Variants in NCAM1 observed in about 807,000 individuals in gnomAD.
NCAM1 encodes neural cell adhesion molecule 1.
In NCAM1, 14 loss-of-function variants were observed where a neutral mutation model predicts 109.8. The ratio of observed to expected loss-of-function variants is 0.13; its 90% CI spans 0.08 to 0.20. The LOEUF (loss-of-function observed/expected upper bound fraction) is 0.20. Ranked by LOEUF, NCAM1 falls within the 10% of genes least tolerant of loss-of-function variation. The pLI, the probability that NCAM1 is intolerant of heterozygous loss-of-function variation, is 1.00. For synonymous variants in NCAM1, 418 were observed against 442.9 expected, an observed-to-expected ratio of 0.94 and a Z score of 0.70; for missense variants, 774 against 1,109.9, an observed-to-expected ratio of 0.70 and a Z score of 4.30.
chr11:113,058,839 A>G (rs1165611428), intron 1 of NCAM1, among the ~76,000 whole-genome samples: 1 of 152,206 alleles, frequency 6.6e-6, no homozygotes, highest in Admixed American at 6.5e-5. Flanking sequence ...GGAGCACGTT[A>G]TATTCTCCTG....
intron 1 of NCAM1, among the ~76,000 whole-genome samples, chr11:113,180,320 C>T (rs1436104): frequency 0.84 from 127,419 of 152,236 alleles, 53,727 homozygotes; most frequent in African/African-American, 0.94. Context: ...GTGAGTTTAG[C>T]GCTACAGGGG....
chr11:113,155,338 G>A (rs1422084204), intron 1 of NCAM1, among the ~76,000 whole-genome samples: 3 of 151,884 alleles, frequency 2.0e-5, no homozygotes, highest in African/African-American at 4.8e-5. Context: ...GTGAAACCCC[G>A]TCTGTATTAA....
intron 16 of NCAM1, among the ~76,000 whole-genome samples, chr11:113,259,930 C>T (rs1039839892): frequency 3.3e-5 from 5 of 152,016 alleles, no homozygotes; most frequent in African/African-American, 1.2e-4. Flanking sequence ...TCTTGAACTC[C>T]TGACCTCAAG....
chr11:113,132,604 ATGTGTGTGTG>A lies in NCAM1; in HGVS notation c.53-69737_53-69728del, dbSNP rs71060290. 6.7e-3 allele frequency among the ~76,000 whole-genome samples: 873 copies of A among 130,400 alleles called. 10 individuals are homozygous for A. The highest frequency in any genetic ancestry group is 0.024 in the African/African-American group (784 of 32,134). 85.5% of individuals were successfully genotyped at this position (130,400 alleles called of 152,430 possible). On this transcript the variant is annotated intron_variant, in intron 1 of 19. Transcript: ENST00000316851. ...TGGGATCAGGCATATATTAGGAAGC[ATGTGTGTGTG>A]TGTGTGTGTGTGTGTGTGTGTGTGT...
intron 1 of NCAM1, among the ~76,000 whole-genome samples, chr11:113,042,038 ACTCCCGC>A: frequency 6.6e-6 from 1 of 151,736 alleles, no homozygotes; most frequent in South Asian, 2.1e-4. Context: ...TGCCCTTGTC[ACTCCCGC>A]CTCCCTCCTC....
chr11:113,240,568 G>A (rs909619316), intron 14 of NCAM1: 1 of 567,018 alleles, frequency 1.8e-6, no homozygotes, highest in South Asian at 2.3e-5. Flanking sequence ...GAACTGCAGG[G>A]TTTGGCAGGT....
chr11:112,997,408 C>T (rs1372078222), intron 1 of NCAM1, among the ~76,000 whole-genome samples: 2 of 152,036 alleles, frequency 1.3e-5, no homozygotes, highest in Non-Finnish European at 2.9e-5. Context: ...GGTGAATTTT[C>T]AAAAGAGAGG....
chr11:113,190,650 A>C (rs1285641224), intron 1 of NCAM1, among the ~76,000 whole-genome samples: 1 of 152,220 alleles, frequency 6.6e-6, no homozygotes, highest in East Asian at 1.9e-4. Flanking sequence ...AACTCAAGAA[A>C]GCGAAACAAC....
chr11:113,203,730 A>C (rs1389258626), intron 2 of NCAM1, among the ~76,000 whole-genome samples: 1 of 152,244 alleles, frequency 6.6e-6, no homozygotes, highest in Non-Finnish European at 1.5e-5. Context: ...CAGTCATGCC[A>C]GTTTGTGCAG....
At chr11:113,189,368 T>C (rs1236569644) in intron 1 of NCAM1, among the ~76,000 whole-genome samples, 1 of 150,118 alleles carries the variant, frequency 6.7e-6, no homozygotes. Context: ...GAGAATCACT[T>C]GAACCCAGGA....
At chr11:113,202,495 G>A (rs370251266) in intron 2 of NCAM1, 42 bp downstream of exon 2, 2 of 1,556,340 alleles carry the variant, frequency 1.3e-6, no homozygotes, top group African/African-American at 1.4e-5. Flanking sequence ...ACTTGCTTCA[G>A]AAACTCACTG....
chr11:112,965,124 T>C (rs1950697131), intron 1 of NCAM1, among the ~76,000 whole-genome samples: 1 of 152,212 alleles, frequency 6.6e-6, no homozygotes, highest in Non-Finnish European at 1.5e-5. Flanking sequence ...ATATTCTTGT[T>C]TAGTAAAGGA....
At chr11:113,220,598 C>CTTTTTTTTTTTTT (rs1565508438) in intron 8 of NCAM1, among the ~76,000 whole-genome samples, 3 of 105,654 alleles carry the variant, frequency 2.8e-5, no homozygotes, top group South Asian at 5.2e-4. Context: ...CTCTCTCTCT[C>CTTTTTTTTTTTTT]TCTCTTTTTT....
rs1944231969 is a variant in NCAM1, at chr11:113,206,152, C to T, written c.600C>T (p.Asn200=). The T allele has an allele frequency of 1.2e-6, 2 of 1,613,206 alleles. No homozygotes were observed. The highest frequency in any genetic ancestry group is 2.2e-5 in the East Asian group (1 of 44,880). ...GAATCCTGGCACGGGGGGAGATCAA[C>T]TTCAAGGACATTCAGGTCATTGTGA... is the stretch of plus-strand genomic sequence containing the variant. ...EGRILARGEI[N]FKDIQVIVNV... is the part of the protein sequence containing the mutation. Residue 200 remains asparagine (N), a synonymous_variant, in exon 5 of 20, where the codon AAC becomes AAT. Coordinates refer to ENST00000316851, the MANE Select transcript of NCAM1 (RefSeq NM_181351.5).
At chr11:113,160,343 G>T (rs1167070862) in intron 1 of NCAM1, among the ~76,000 whole-genome samples, 2 of 152,174 alleles carry the variant, frequency 1.3e-5, no homozygotes, top group African/African-American at 2.4e-5. Context: ...CTTCGCTCCA[G>T]GTTACCAACT....
intron 14 of NCAM1, 189 bp from the exon 15 acceptor site, chr11:113,246,179 T>G (rs1244032818): frequency 1.3e-5 from 7 of 555,130 alleles, no homozygotes; most frequent in Admixed American, 3.2e-5. Context: ...GATTTCTCCT[T>G]TTATTTAGTC....
chr11:113,179,024 G>A (rs147393547), intron 1 of NCAM1, among the ~76,000 whole-genome samples: 2 of 152,122 alleles, frequency 1.3e-5, no homozygotes, highest in South Asian at 2.1e-4. Context: ...TCAACCATAC[G>A]CATCTCTTCC....
chr11:113,128,626 CCTTTAGTCCT>C (rs1405746702), intron 1 of NCAM1, among the ~76,000 whole-genome samples: 1 of 152,214 alleles, frequency 6.6e-6, no homozygotes, highest in East Asian at 1.9e-4. Flanking sequence ...CATGCCCCCT[CCTTTAGTCCT>C]CTTTATTCTT....
At chr11:113,260,072 G>A (rs1401133085) in intron 16 of NCAM1, 74 bp from the exon 17 acceptor site, 2 of 1,393,324 alleles carry the variant, frequency 1.4e-6, no homozygotes, top group African/African-American at 1.5e-5. Flanking sequence ...TTTGCCTATT[G>A]TCTGGTCTTA....
Sources: allele counts gnomAD v4.1 joint callset (sites outside exome capture counted in the v4.1 genomes callset), GRCh38; gene constraint gnomAD v4.1.1; transcripts MANE v1.5; gene names NCBI Gene and HGNC (gene_info 2026-07-23, HGNC 2026-07-21).